Variants in CNTN4 observed in about 807,000 individuals in gnomAD.
The protein encoded by CNTN4 is contactin 4.
A neutral mutation model predicts 122.5 loss-of-function variants in CNTN4; 77 were observed. That is an observed-to-expected ratio of 0.63 (90% confidence interval 0.52 to 0.76). The LOEUF is 0.76. Among genes scored for constraint, CNTN4 ranks in the 30% least tolerant of loss-of-function variants. The probability of loss-of-function intolerance (pLI) is 0.00; values close to 1 mark genes in which losing one functional copy is unlikely to be tolerated. For synonymous variants in CNTN4, 512 were observed against 447.0 expected (o/e 1.15, Z -1.83); for missense variants, 1,256 against 1,259.1 (o/e 1.00, Z 0.04).
At chr3:2,104,886 T>C (rs1027057816) in intron 2 of CNTN4, among the ~76,000 whole-genome samples, 2 of 152,198 alleles carry the variant, frequency 1.3e-5, no homozygotes, top group South Asian at 2.1e-4. Flanking sequence ...TAAATGCCCA[T>C]TGCCTTGCTT....
chr3:2,547,000 C>G lies in CNTN4; in HGVS notation c.-88-24416C>G, dbSNP rs1433545877. Among the ~76,000 whole-genome samples the G allele has an allele frequency of 2.0e-5, 3 of 152,072 alleles. No individual in the cohort carries two copies. In the South Asian group the frequency reaches 6.2e-4, roughly 31 times the overall value. On this transcript the variant is annotated intron_variant, in intron 3 of 24. Coordinates refer to ENST00000418658, the MANE Select transcript of CNTN4 (RefSeq NM_175607.3). ...GAGATCCCACGTAATATTGATTAAT[C>G]TGCACCAGAACATCTAAGACAAATT...
intron 3 of CNTN4, among the ~76,000 whole-genome samples, chr3:2,461,438 A>G (rs1026745029): frequency 6.6e-6 from 1 of 152,196 alleles, no homozygotes; most frequent in Non-Finnish European, 1.5e-5. Flanking sequence ...ATATCCAGGT[A>G]TTATGGTTTC....
At chr3:2,911,003 A>G (rs56044095) in intron 12 of CNTN4, among the ~76,000 whole-genome samples, 1 of 151,998 alleles carries the variant, frequency 6.6e-6, no homozygotes, top group Non-Finnish European at 1.5e-5. Context: ...CCCACTCCCC[A>G]CAGCGTAGCA....
intron 2 of CNTN4, among the ~76,000 whole-genome samples, chr3:2,334,618 T>C (rs2043870429): frequency 6.6e-6 from 1 of 152,170 alleles, no homozygotes; most frequent in Non-Finnish European, 1.5e-5. Flanking sequence ...CTATATTTTG[T>C]CCACTGATTA....
chr3:2,385,408 C>T lies in CNTN4; in HGVS notation c.-89+46175C>T, dbSNP rs1213878337. The stretch of plus-strand genomic sequence containing the variant: ...GTCTTTGTCCTTTTCTCCACTATTA[C>T]CTGAGCAATATTCCTGGTGTCTTGT... On this transcript the variant is annotated intron_variant, in intron 3 of 24. Transcript: ENST00000418658. The surrounding 1 kb of genome is among the most constrained non-coding windows in gnomAD (Gnocchi z 4.0). Among the ~76,000 whole-genome samples the T allele has an allele frequency of 1.3e-5, 2 of 152,040 alleles. No individual in the cohort carries two copies. The highest frequency in any genetic ancestry group is 6.6e-5 in the Admixed American group (1 of 15,240).
intron 3 of CNTN4, among the ~76,000 whole-genome samples, chr3:2,499,429 T>C (rs769990589): frequency 6.6e-6 from 1 of 152,216 alleles, no homozygotes; most frequent in Non-Finnish European, 1.5e-5. Flanking sequence ...TCCATTAACA[T>C]ACTAAACAGA....
chr3:2,592,062 G>A (rs1203515753), intron 4 of CNTN4, among the ~76,000 whole-genome samples: 4 of 151,796 alleles, frequency 2.6e-5, no homozygotes, highest in African/African-American at 9.7e-5. Context: ...AAAATTTTTT[G>A]TACAGATGAG....
At position 2,164,331 on chromosome 3, in the gene CNTN4, C is replaced by T. The variant is rs139910077; in HGVS notation, c.-145+63692C>T. ...AATTAACTGGAAGGCTGAGAAAATT[C>T]GCATAACTGTAAGTAAAAAAGAGGT... On this transcript the variant is annotated intron_variant, in intron 2 of 24. Transcript: ENST00000418658. Among the ~76,000 whole-genome samples the T allele has an allele frequency of 9.7e-3, 1,473 of 151,866 alleles. 15 individuals are homozygous for T. Among genetic ancestry groups the T allele is most frequent in the Middle Eastern group, 0.02 (6 of 294 alleles).
intron 2 of CNTN4, among the ~76,000 whole-genome samples, chr3:2,120,997 C>A (rs1254433783): frequency 6.6e-6 from 1 of 152,098 alleles, no homozygotes; most frequent in Non-Finnish European, 1.5e-5. Flanking sequence ...GCTCCTCACA[C>A]TTTGGGAGGC....
intron 4 of CNTN4, among the ~76,000 whole-genome samples, chr3:2,708,790 A>G (rs2086914183): frequency 6.6e-6 from 1 of 151,858 alleles, no homozygotes; most frequent in Non-Finnish European, 1.5e-5. Flanking sequence ...AAATGATAGG[A>G]TTTTTTCCTA....
rs2087784209 is a variant in CNTN4, at chr3:2,720,536, A to G, written c.56-15679A>G. Among the ~76,000 whole-genome samples, 3 of 152,272 alleles carry G rather than the reference A, an allele frequency of 2.0e-5. 1 individual carries two copies. The South Asian group carries it at 6.2e-4, about 32-fold the overall frequency. ...GTGGAAAGATGTGCTTGCTCACTTT[A>G]TTACTCTCCTAGAGGCAAAAAATTT... On this transcript the variant is annotated intron_variant, in intron 4 of 24. Coordinates refer to ENST00000418658, the MANE Select transcript of CNTN4 (RefSeq NM_175607.3).
intron 2 of CNTN4, among the ~76,000 whole-genome samples, chr3:2,250,549 T>G (rs1314832261): frequency 6.6e-6 from 1 of 151,858 alleles, no homozygotes; most frequent in Non-Finnish European, 1.5e-5. Flanking sequence ...CCCAACACAA[T>G]GAAATGATAA....
chr3:2,598,082 G>T (rs2080857086), intron 4 of CNTN4, among the ~76,000 whole-genome samples: 1 of 152,084 alleles, frequency 6.6e-6, no homozygotes, highest in South Asian at 2.1e-4. Context: ...CTATTTTGAG[G>T]TTGCAGCACA....
chr3:2,785,133 A>G (rs935970561), intron 6 of CNTN4, among the ~76,000 whole-genome samples: 121 of 119,974 alleles, frequency 1.0e-3, no homozygotes, highest in African/African-American at 3.5e-3. Context: ...ACACACACAC[A>G]CACACATATA....
At chr3:2,613,276 G>A (rs189382201) in intron 4 of CNTN4, among the ~76,000 whole-genome samples, 16 of 151,970 alleles carry the variant, frequency 1.1e-4, no homozygotes, top group Non-Finnish European at 1.5e-4. Flanking sequence ...GTTTCTTCTC[G>A]CTTCTCATTA....
chr3:2,918,265 G>A (rs1559663967), intron 12 of CNTN4, among the ~76,000 whole-genome samples: 1 of 152,220 alleles, frequency 6.6e-6, no homozygotes, highest in Non-Finnish European at 1.5e-5. Flanking sequence ...TGAAACTGCT[G>A]TGATAACTTG....
intron 13 of CNTN4, among the ~76,000 whole-genome samples, chr3:2,942,833 A>C (rs189889435): frequency 6.6e-6 from 1 of 152,162 alleles, no homozygotes; most frequent in Non-Finnish European, 1.5e-5. Context: ...GTGGTTCCCA[A>C]ATTTATCTGG....
intron 13 of CNTN4, chr3:2,985,100 T>C (rs994907015): frequency 6.6e-6 from 1 of 152,270 alleles, no homozygotes; most frequent in Non-Finnish European, 1.5e-5. Context: ...GTCTTTTTTT[T>C]AGCCAGAGCT....
At chr3:2,567,112 G>A (rs1433307705) in intron 3 of CNTN4, among the ~76,000 whole-genome samples, 1 of 136,304 alleles carries the variant, frequency 7.3e-6, no homozygotes, top group African/African-American at 2.8e-5. Flanking sequence ...TTCAGACGGA[G>A]TCTTGCTCAT....
Sources: gnomAD v4.1 joint callset for allele counts (sites outside exome capture counted in the v4.1 genomes callset) on GRCh38, gnomAD v4.1.1 for gene constraint, Gnocchi (gnomAD v3.1) non-coding constraint, MANE v1.5 for transcripts, NCBI Gene and HGNC (gene_info 2026-07-23, HGNC 2026-07-21) for gene names.